RPS24: variants seen among roughly 807,000 people sequenced by gnomAD.
RPS24 encodes small ribosomal subunit protein eS24.
For missense variants in RPS24, 100 were observed against 162.5 expected (o/e 0.62, Z 2.09); for synonymous variants, 72 against 55.6 (o/e 1.30, Z -1.31).
intron 1 of RPS24, 119 bp from the exon 2 acceptor site, chr10:78,035,233 T>C (rs1158866757): frequency 5.0e-6 from 5 of 991,766 alleles, no homozygotes; most frequent in Admixed American, 1.8e-5. Context: ...TTATTTACTT[T>C]AGTTCGCTAC....
chr10:78,038,170 T>C (rs1847917813), intron 4 of RPS24: 1 of 276,006 alleles, frequency 3.6e-6, no homozygotes, highest in Middle Eastern at 4.3e-4. Flanking sequence ...CAACCTAATA[T>C]GTTTTAAGAT....
chr10:78,053,695 C>A (rs558823632), intron 4 of RPS24, among the ~76,000 whole-genome samples: 1 of 152,214 alleles, frequency 6.6e-6, no homozygotes, highest in South Asian at 2.1e-4. Flanking sequence ...ACGTCTGCAC[C>A]ACAGCCCCTC....
At chr10:78,050,639 C>T (rs1004767647) in intron 4 of RPS24, among the ~76,000 whole-genome samples, 1 of 152,208 alleles carries the variant, frequency 6.6e-6, no homozygotes, top group Non-Finnish European at 1.5e-5. Flanking sequence ...TTTATTTGGT[C>T]TCACTCTGTC....
chr10:78,046,345 C>CTTTTTT (rs1564631924), intron 4 of RPS24, among the ~76,000 whole-genome samples: 13 of 129,956 alleles, frequency 1.0e-4, no homozygotes, highest in African/African-American at 5.1e-4. Context: ...ATCTCATTTA[C>CTTTTTT]CTTTTTTTTT....
chr10:78,037,342 T>A, intron 4 of RPS24, 38 bp downstream of exon 4: 1 of 1,559,710 alleles, frequency 6.4e-7, no homozygotes, highest in Admixed American at 1.9e-5. Context: ...ACGTCATTAA[T>A]TGTAGGTCTT....
At chr10:78,049,397 T>C (rs1467143370) in intron 4 of RPS24, among the ~76,000 whole-genome samples, 3 of 152,042 alleles carry the variant, frequency 2.0e-5, no homozygotes, top group Non-Finnish European at 4.4e-5. Context: ...TTAGAGGGTA[T>C]GTTAGGGAGG....
chr10:78,043,734 A>G (rs1250270194), downstream of RPS24, among the ~76,000 whole-genome samples: 3 of 152,194 alleles, frequency 2.0e-5, no homozygotes, highest in African/African-American at 7.2e-5. Context: ...GACGTGATAG[A>G]AATTGAGAGC....
chr10:78,037,901 ACTTT>A (rs1847907665), intron 4 of RPS24: 2 of 787,704 alleles, frequency 2.5e-6, no homozygotes, highest in South Asian at 1.7e-5. Flanking sequence ...TGTTCTGTGA[ACTTT>A]TTTTTTTTTT....
chr10:78,037,929 T>C, intron 4 of RPS24: 1 of 1,069,936 alleles, frequency 9.3e-7, no homozygotes, highest in African/African-American at 1.7e-5. Flanking sequence ...TTTTTTTGCT[T>C]TTCCTCTCTA....
chr10:78,037,901 A>ATTT, intron 4 of RPS24: 2 of 787,684 alleles, frequency 2.5e-6, no homozygotes, highest in Non-Finnish European at 3.4e-6. Flanking sequence ...TGTTCTGTGA[A>ATTT]CTTTTTTTTT....
intron 4 of RPS24, chr10:78,039,882 C>T (rs1352263838): frequency 9.5e-6 from 4 of 420,652 alleles, no homozygotes; most frequent in Admixed American, 3.6e-5. Flanking sequence ...GGCAGAGGCT[C>T]AGGTATGTAC....
chr10:78,038,335 C>T lies in RPS24; in HGVS notation c.390+1031C>T, dbSNP rs16935566. On this transcript the variant is annotated intron_variant, in intron 4 of 5. Coordinates refer to ENST00000372360, the MANE Select transcript of RPS24 (RefSeq NM_033022.4). ...CTGTGTCCACATACTTAGGAAATGG[C>T]TTCAGTTAACACTGGGCTTGGGAAG... 1,043 of 164,348 alleles carry T rather than the reference C, an allele frequency of 6.3e-3. 7 individuals are homozygous for T. The highest frequency in any genetic ancestry group is 0.024 in the African/African-American group (984 of 41,670). 10.2% of individuals were successfully genotyped at this position (164,348 alleles called of 1,614,324 possible). A position where few individuals can be genotyped will look rare whatever the true frequency, so the allele number is the denominator to read the frequency against.
At chr10:78,034,791 T>C (rs2131975055) in intron 1 of RPS24, among the ~76,000 whole-genome samples, 1 of 152,346 alleles carries the variant, frequency 6.6e-6, no homozygotes, top group East Asian at 1.9e-4. Flanking sequence ...GAGTACAAGG[T>C]TTGGGGCACA....
At position 78,054,750 on chromosome 10, in the gene RPS24, C is replaced by T. The variant is rs1298017812; in HGVS notation, c.610C>T (p.Gln204Ter). The change falls in exon 5 of 5, where the codon CAG becomes TAG. Residue 204 changes from glutamine to a stop codon, truncating the protein, a stop_gained. Coordinates refer to the RPS24 transcript ENST00000440692. LOFTEE classifies it low-confidence loss of function (END_TRUNC). ...CTGGAGGAAGACTGAAAACAGAGAA[C>T]AGTGCTGCCAGGCGTGCCTTTTGGA... 7.1e-6 allele frequency: 11 copies of T among 1,551,572 alleles called. No homozygotes were observed.
At chr10:78,054,724 C>T (rs1848133672) in exon 5 of RPS24, 1 of 1,551,658 alleles carries the variant, frequency 6.4e-7, no homozygotes, top group East Asian at 2.4e-5. Flanking sequence ...GTGGCCGTTA[C>T]CTGGAGGAAG....
exon 5 of RPS24, chr10:78,056,322 C>T (rs1166397743): frequency 6.6e-6 from 1 of 152,110 alleles, no homozygotes; most frequent in Admixed American, 6.5e-5. Flanking sequence ...GAAACACAGA[C>T]CTTGGAGGAT....
downstream of RPS24, among the ~76,000 whole-genome samples, chr10:78,044,484 A>G (rs1373262379): frequency 6.6e-6 from 1 of 152,142 alleles, no homozygotes; most frequent in African/African-American, 2.4e-5. Context: ...ACTCCATTTC[A>G]AAAATAGTCT....
At chr10:78,053,857 G>T (rs1206289048) in intron 4 of RPS24, among the ~76,000 whole-genome samples, 1 of 152,188 alleles carries the variant, frequency 6.6e-6, no homozygotes, top group African/African-American at 2.4e-5. Flanking sequence ...AGGTGGGCAA[G>T]ATGAAGCCTG....
At chr10:78,047,113 G>T (rs1848051701) in intron 4 of RPS24, among the ~76,000 whole-genome samples, 1 of 151,226 alleles carries the variant, frequency 6.6e-6, no homozygotes, top group East Asian at 1.9e-4. Flanking sequence ...CTGCCACCAC[G>T]CCTGGCTAAT....
Sources: allele counts gnomAD v4.1 joint callset (sites outside exome capture counted in the v4.1 genomes callset), GRCh38; gene constraint gnomAD v4.1.1; transcripts MANE v1.5; gene names NCBI Gene and HGNC (gene_info 2026-07-23, HGNC 2026-07-21).